The following ABCB5 variants were observed in gnomAD, a reference collection of about 807,000 sequenced individuals.
ABCB5 encodes ATP-binding cassette sub-family B member 5.
Under a neutral mutation model 144.2 loss-of-function variants are expected in ABCB5, and 155 were observed. That is an observed-to-expected ratio of 1.08 (90% CI 0.94 to 1.23). ABCB5 has a LOEUF of 1.23. Ranked by LOEUF, ABCB5 falls within the 50% of genes most tolerant of loss-of-function variation. The pLI is 0.00. For synonymous variants in ABCB5, 610 were observed against 528.6 expected, an observed-to-expected ratio of 1.15 and a Z score of -2.11; for missense variants, 1,830 against 1,520.8, an observed-to-expected ratio of 1.20 and a Z score of -3.38.
At position 20,659,559 on chromosome 7, in the gene ABCB5, C is replaced by T. The variant is rs553236167; in HGVS notation, c.1707+883C>T. 1.0e-5 allele frequency: 10 copies of T among 997,278 alleles called. No individual in the cohort carries two copies. In the South Asian group the frequency reaches 4.1e-4, roughly 41 times the overall value. 61.8% of individuals were successfully genotyped at this position (997,278 alleles called of 1,614,324 possible). ...TTGTGCAAGTTTGAACGCTTGTTTC[C>T]CTCCCATAATAACAATGCCACATGT... On this transcript the variant is annotated intron_variant, in intron 14 of 27. Coordinates refer to ENST00000404938, the MANE Select transcript of ABCB5 (RefSeq NM_001163941.2).
intron 19 of ABCB5, among the ~76,000 whole-genome samples, chr7:20,703,333 C>T (rs1049244401): frequency 6.6e-6 from 1 of 152,202 alleles, no homozygotes; most frequent in African/African-American, 2.4e-5. Flanking sequence ...GTATGTTAGG[C>T]TCTTGCCTGG....
At position 20,710,579 on chromosome 7, in the gene ABCB5, T is replaced by C. The variant is rs559981735; in HGVS notation, c.2421+5772T>C. 2.3e-4 allele frequency among the ~76,000 whole-genome samples: 35 copies of C among 149,750 alleles called. 2 individuals carry two copies. The highest frequency in any genetic ancestry group is 4.5e-4 in the Non-Finnish European group (30 of 67,366). ...AGGGTCAGATTTGGCCTGTAATCTA[T>C]AGTTTGTCAACCCACGCAATAAAAA... On this transcript the variant is annotated intron_variant, in intron 20 of 27. Transcript: ENST00000404938.
rs1784393269 is a variant in ABCB5 at position 20,645,873 on chromosome 7, C to T, written c.796C>T (p.Leu266Phe). 2 of 1,613,524 alleles carry T rather than the reference C, an allele frequency of 1.2e-6. No homozygotes were observed. The highest frequency in any genetic ancestry group is 1.7e-6 in the Non-Finnish European group (2 of 1,179,694). ...AGCCTTTAGGGCCCAGGAGAAAGAA[C>T]TTCAAAGGTCTTTCCTTTTAAATAT... ...VIAFRAQEKE[L>F]QRYTQNLKDA... is the part of the protein sequence containing the mutation. Residue 266 changes from leucine to phenylalanine, a missense_variant, in exon 8 of 28, where the codon CTT (leucine) becomes TTT (phenylalanine). Physicochemically the swap from Leu to Phe is conservative, Grantham distance 22 (BLOSUM62 0). Coordinates refer to ENST00000404938, the MANE Select transcript of ABCB5 (RefSeq NM_001163941.2).
Position 20,681,579 on chromosome 7 carries a change from C to A in ABCB5, c.1782C>A (p.Thr594=). ...STIRSADLIV[T]LKDGMLAEKG... ...TTCGAAGTGCAGATTTGATTGTGAC[C>A]CTAAAGGATGGAATGCTGGCGGAGA... The change falls in exon 15 of 28, where the codon ACC becomes ACA. Residue 594 remains threonine (T), a synonymous_variant. Coordinates refer to ENST00000404938, the MANE Select transcript of ABCB5 (RefSeq NM_001163941.2). The A allele has an allele frequency of 6.2e-7, 1 of 1,613,898 alleles. No homozygotes were observed. Among genetic ancestry groups the A allele is most frequent in the Non-Finnish European group, 8.5e-7 (1 of 1,179,996 alleles).
At chr7:20,736,145 A>G (rs1205325312) in intron 23 of ABCB5, among the ~76,000 whole-genome samples, 1 of 152,176 alleles carries the variant, frequency 6.6e-6, no homozygotes, top group Non-Finnish European at 1.5e-5. Flanking sequence ...AGGACTTGGA[A>G]AGTTGTGATT....
chr7:20,705,871 T>C (rs1786806514), intron 20 of ABCB5, among the ~76,000 whole-genome samples: 1 of 152,114 alleles, frequency 6.6e-6, no homozygotes, highest in Non-Finnish European at 1.5e-5. Context: ...GGATTTATAT[T>C]ATCAGAAAAT....
intron 20 of ABCB5, among the ~76,000 whole-genome samples, chr7:20,714,374 C>T (rs1391351418): frequency 6.6e-6 from 1 of 151,402 alleles, no homozygotes; most frequent in African/African-American, 2.4e-5. Flanking sequence ...ATTTTTGTGC[C>T]TCTTGCTAAA....
intron 23 of ABCB5, 45 bp downstream of exon 23, chr7:20,728,500 T>C: frequency 3.8e-6 from 6 of 1,597,828 alleles, no homozygotes; most frequent in Non-Finnish European, 5.1e-6. Flanking sequence ...ACACCTGTAA[T>C]TCCAACACTT....
At chr7:20,721,439 T>C (rs1781864164) in intron 20 of ABCB5, among the ~76,000 whole-genome samples, 1 of 152,228 alleles carries the variant, frequency 6.6e-6, no homozygotes, top group African/African-American at 2.4e-5. Context: ...TGGCTAGTTT[T>C]TGAGTACCTT....
intron 16 of ABCB5, among the ~76,000 whole-genome samples, chr7:20,691,580 A>ATTTT (rs2128041576): frequency 2.5e-5 from 1 of 40,788 alleles, no homozygotes; most frequent in African/African-American, 7.7e-5. Flanking sequence ...CTTTAAATTC[A>ATTTT]TTTTTATTTA....
chr7:20,620,387 A>G (rs1783783276), intron 1 of ABCB5, among the ~76,000 whole-genome samples: 2 of 152,154 alleles, frequency 1.3e-5, no homozygotes, highest in Admixed American at 6.6e-5. Flanking sequence ...CAAAAACAAT[A>G]AAAACGTAGA....
intron 14 of ABCB5, chr7:20,666,648 C>T (rs1785204828): frequency 1.5e-6 from 2 of 1,354,086 alleles, no homozygotes; most frequent in South Asian, 3.8e-5. Context: ...GACCTGTCTT[C>T]CTGGTGACCT....
intron 1 of ABCB5, among the ~76,000 whole-genome samples, chr7:20,618,613 G>C (rs979555408): frequency 1.3e-5 from 2 of 151,832 alleles, no homozygotes; most frequent in African/African-American, 4.8e-5. Flanking sequence ...TCATCTTTAT[G>C]TCCATGTGGA....
chr7:20,630,599 A>G lies in ABCB5; in HGVS notation c.260-1460A>G, dbSNP rs561138978. 7.2e-5 allele frequency among the ~76,000 whole-genome samples: 11 copies of G among 152,306 alleles called. No individual in the cohort carries two copies. The East Asian group carries it at 1.2e-3, about 16-fold the overall frequency. The stretch of plus-strand genomic sequence containing the variant: ...AAAATCTGATATATTAATGATGTAA[A>G]TTGATGCATATGCTAAATAATTTGT... On this transcript the variant is annotated intron_variant, in intron 4 of 27. Transcript: ENST00000404938.
chr7:20,673,121 G>A (rs921305255), intron 14 of ABCB5, among the ~76,000 whole-genome samples: 4 of 151,928 alleles, frequency 2.6e-5, no homozygotes, highest in Admixed American at 1.3e-4. Context: ...ATTGCATTAC[G>A]GTCAGGGAGT....
chr7:20,689,837 C>T, intron 16 of ABCB5, among the ~76,000 whole-genome samples: 1 of 152,144 alleles, frequency 6.6e-6, no homozygotes, highest in East Asian at 1.9e-4. Flanking sequence ...TGAATTTGAA[C>T]CAGAGAGGCA....
intron 20 of ABCB5, among the ~76,000 whole-genome samples, chr7:20,708,982 C>T (rs548078579): frequency 5.3e-5 from 8 of 152,262 alleles, no homozygotes; most frequent in East Asian, 3.9e-4. Flanking sequence ...TCAAATTCAA[C>T]GTTGGCTCCT....
At position 20,647,898 on chromosome 7, in the gene ABCB5, T is replaced by C. The variant is rs143738466; in HGVS notation, c.1096-70T>C. The C allele has an allele frequency of 4.6e-5, 53 of 1,155,426 alleles. No homozygotes were observed. The African/African-American group carries it at 6.9e-4, about 15-fold the overall frequency. The allele number at this position is 1,155,426 out of a possible 1,614,324, so 71.6% of individuals were successfully genotyped here. A position where few individuals can be genotyped will look rare whatever the true frequency, so the allele number is the denominator to read the frequency against. On this transcript the variant is annotated intron_variant, in intron 10 of 27. Coordinates refer to ENST00000404938, the MANE Select transcript of ABCB5 (RefSeq NM_001163941.2). ...TCATGGAAGAAAACCATCCTTATAC[T>C]ATTTTTAAAATGTAGAGACTGTCAG...
intron 26 of ABCB5, among the ~76,000 whole-genome samples, chr7:20,753,001 T>A (rs1006779216): frequency 2.0e-5 from 3 of 152,262 alleles, no homozygotes; most frequent in Non-Finnish European, 4.4e-5. Flanking sequence ...CTACTGCGAA[T>A]CATTTTAACC....
Sources: gnomAD v4.1 joint callset for allele counts (sites outside exome capture counted in the v4.1 genomes callset) on GRCh38, gnomAD v4.1.1 for gene constraint, MANE v1.5 for transcripts, NCBI Gene and HGNC (gene_info 2026-07-23, HGNC 2026-07-21) for gene names.